CWC27: variants seen among roughly 807,000 people sequenced by gnomAD.
CWC27 encodes the protein spliceosome-associated protein CWC27 homolog.
Under a neutral mutation model 63.6 loss-of-function variants are expected in CWC27, and 47 were observed. The ratio of observed to expected loss-of-function variants is 0.74; its 90% CI spans 0.58 to 0.94. The LOEUF (loss-of-function observed/expected upper bound fraction) is 0.94. CWC27 is among the 40% of genes least tolerant of loss of function. The pLI is 0.00. For synonymous variants in CWC27, 175 were observed against 179.8 expected, an observed-to-expected ratio of 0.97 and a Z score of 0.22; for missense variants, 495 against 554.3, an observed-to-expected ratio of 0.89 and a Z score of 1.07.
intron 10 of CWC27, among the ~76,000 whole-genome samples, chr5:64,842,109 G>A (rs1374431208): frequency 6.6e-6 from 1 of 152,092 alleles, no homozygotes; most frequent in Non-Finnish European, 1.5e-5. Context: ...TTTGTCTATT[G>A]CTGCTTTTAT....
intron 2 of CWC27, among the ~76,000 whole-genome samples, chr5:64,781,184 A>C (rs1392304160): frequency 1.3e-5 from 2 of 152,270 alleles, no homozygotes; most frequent in African/African-American, 4.8e-5. Flanking sequence ...GTTCTAAATT[A>C]TATACTCCAA....
chr5:65,013,283 T>C (rs541433656), intron 13 of CWC27, among the ~76,000 whole-genome samples: 28 of 152,216 alleles, frequency 1.8e-4, no homozygotes, highest in African/African-American at 6.7e-4. Context: ...CTGGTAGATG[T>C]TTTAGGGAGT....
At chr5:64,902,187 G>A (rs1747525480) in intron 11 of CWC27, among the ~76,000 whole-genome samples, 1 of 152,082 alleles carries the variant, frequency 6.6e-6, no homozygotes, top group Admixed American at 6.5e-5. Context: ...GTACATAATT[G>A]TATGTGCTAT....
intron 10 of CWC27, among the ~76,000 whole-genome samples, chr5:64,847,758 A>G (rs188048802): frequency 7.9e-5 from 12 of 152,324 alleles, no homozygotes; most frequent in African/African-American, 2.9e-4. Context: ...TGGAAATTGC[A>G]CAACATGTTT....
intron 13 of CWC27, among the ~76,000 whole-genome samples, chr5:65,002,545 A>T (rs1749749062): frequency 6.6e-6 from 1 of 152,012 alleles, no homozygotes; most frequent in Non-Finnish European, 1.5e-5. Context: ...TCATTGATTC[A>T]GTGGTCATTT....
intron 10 of CWC27, among the ~76,000 whole-genome samples, chr5:64,848,469 A>G (rs1328352035): frequency 6.6e-6 from 1 of 152,164 alleles, no homozygotes; most frequent in Non-Finnish European, 1.5e-5. Flanking sequence ...AGGAGGGAAT[A>G]CTTTCAAACC....
rs1336688014 is a variant in CWC27, at chr5:64,977,241, A to C, written c.1256+3A>C. 3 of 1,590,790 alleles carry C rather than the reference A, an allele frequency of 1.9e-6. No individual in the cohort carries two copies. Among genetic ancestry groups the C allele is most frequent in the Non-Finnish European group, 2.6e-6 (3 of 1,160,188 alleles). ...GAAGTAGAAGATGATGAAGGATGGT[A>C]AGGGCTTTGATTTCTGTATATTAAC... On this transcript the variant is annotated splice_donor_region_variant and intron_variant, in intron 13 of 13. Coordinates refer to ENST00000381070, the MANE Select transcript of CWC27 (RefSeq NM_005869.4).
intron 13 of CWC27, among the ~76,000 whole-genome samples, chr5:64,999,755 T>C (rs1252259870): frequency 6.6e-6 from 1 of 152,126 alleles, no homozygotes; most frequent in Non-Finnish European, 1.5e-5. Context: ...ACACTTAAGT[T>C]GATTTTGTTT....
At chr5:64,918,587 T>C (rs1747936042) in intron 11 of CWC27, among the ~76,000 whole-genome samples, 1 of 152,054 alleles carries the variant, frequency 6.6e-6, no homozygotes, top group South Asian at 2.1e-4. Flanking sequence ...GAAAATGGAG[T>C]TCTTAATTTA....
intron 11 of CWC27, among the ~76,000 whole-genome samples, chr5:64,936,352 G>C (rs1008904267): frequency 1.3e-5 from 2 of 152,208 alleles, no homozygotes; most frequent in African/African-American, 4.8e-5. Context: ...CATCTATTGA[G>C]ATAATCATGT....
intron 11 of CWC27, among the ~76,000 whole-genome samples, chr5:64,934,546 A>G (rs1299494648): frequency 1.3e-5 from 2 of 152,194 alleles, no homozygotes; most frequent in African/African-American, 4.8e-5. Context: ...TATTGTGAAT[A>G]GTGCTGCAGT....
chr5:64,884,105 C>T (rs996091789), intron 10 of CWC27: 1 of 152,038 alleles, frequency 6.6e-6, no homozygotes, highest in Non-Finnish European at 1.5e-5. Context: ...AAACAAGGAA[C>T]TTATGAGTGC....
chr5:64,968,204 A>G (rs982601022), intron 11 of CWC27, among the ~76,000 whole-genome samples: 1 of 152,130 alleles, frequency 6.6e-6, no homozygotes, highest in African/African-American at 2.4e-5. Context: ...CACGCTCTCT[A>G]AAATATTCAG....
At chr5:64,817,985 G>A (rs1449344992) in intron 10 of CWC27, among the ~76,000 whole-genome samples, 1 of 151,878 alleles carries the variant, frequency 6.6e-6, no homozygotes, top group Non-Finnish European at 1.5e-5. Flanking sequence ...ACATGTTACT[G>A]CTTTTTCTAA....
At chr5:64,804,197 A>G in intron 9 of CWC27, 32 bp from the exon 10 acceptor site, 12 of 1,556,150 alleles carry the variant, frequency 7.7e-6, no homozygotes, top group Non-Finnish European at 1.0e-5. Context: ...GAAATTGAGC[A>G]CCTGGCAAAT....
In CWC27 at chr5:64,794,541, G is replaced by A. The variant is rs1396928345; in HGVS notation, c.669+5521G>A. The stretch of plus-strand genomic sequence containing the variant: ...TGCAGCATTTTATCCAGTTGTGAAC[G>A]TACTTAAGGAAGATCTTGACAAACT... On this transcript the variant is annotated intron_variant, in intron 7 of 13. Transcript: ENST00000381070. Among the ~76,000 whole-genome samples the A allele has an allele frequency of 3.3e-5, 5 of 151,964 alleles. No individual in the cohort carries two copies. The South Asian group carries it at 6.2e-4, about 19-fold the overall frequency.
chr5:64,880,215 T>G (rs1378142546), intron 10 of CWC27, among the ~76,000 whole-genome samples: 2 of 152,020 alleles, frequency 1.3e-5, no homozygotes, highest in Non-Finnish European at 2.9e-5. Flanking sequence ...GTACTGTTTT[T>G]ATTATTGATG....
At chr5:64,907,247 T>C (rs564428836) in intron 11 of CWC27, among the ~76,000 whole-genome samples, 1 of 152,322 alleles carries the variant, frequency 6.6e-6, no homozygotes, top group East Asian at 1.9e-4. Context: ...AATCTATAAA[T>C]TACCTTGGGC....
chr5:64,943,936 A>G (rs1748539525), intron 11 of CWC27, among the ~76,000 whole-genome samples: 1 of 152,114 alleles, frequency 6.6e-6, no homozygotes, highest in South Asian at 2.1e-4. Context: ...AACCGTTACC[A>G]TAACTACCAA....
Sources: gnomAD v4.1 joint callset for allele counts (sites outside exome capture counted in the v4.1 genomes callset) on GRCh38, gnomAD v4.1.1 for gene constraint, MANE v1.5 for transcripts, NCBI Gene and HGNC (gene_info 2026-07-23, HGNC 2026-07-21) for gene names.